FRK: variants seen among roughly 807,000 people sequenced by gnomAD.
FRK encodes tyrosine-protein kinase FRK.
FRK carries 51 observed loss-of-function variants against 56.4 expected under a neutral mutation model. That is an observed-to-expected ratio of 0.90 (90% CI 0.72 to 1.14). The LOEUF is 1.14. FRK is among the 50% of genes most tolerant of loss of function. The pLI is 0.00. For missense variants in FRK, 570 were observed against 601.4 expected (o/e 0.95, Z 0.55); for synonymous variants, 245 against 217.9 (o/e 1.12, Z -1.10).
At chr6:116,013,850 A>G (rs1199428407) in intron 1 of FRK, among the ~76,000 whole-genome samples, 4 of 152,184 alleles carry the variant, frequency 2.6e-5, no homozygotes, top group South Asian at 4.1e-4. Context: ...AATAATGTCA[A>G]GTGCAGCCTG....
the FRK span, among the ~76,000 whole-genome samples, chr6:116,090,987 A>T: frequency 0.023 from 3,503 of 152,310 alleles, 135 homozygotes; most frequent in African/African-American, 0.08. Context: ...AGATTTTTTT[A>T]AAATTGTAAT....
chr6:115,933,513 G>A lies in FRK; in HGVS notation c.*8901C>T, dbSNP rs1379389033. ...CTTTGACAGAACCTTGAACATAAAT[G>A]TCCCCAAGAATCAAACACAGTAAGT... On this transcript the variant is annotated 3_prime_UTR_variant, in exon 8 of 8. Transcript: ENST00000606080. The A allele has an allele frequency of 1.3e-5, 2 of 152,124 alleles. No homozygotes were observed. Among genetic ancestry groups the A allele is most frequent in the Non-Finnish European group, 2.9e-5 (2 of 67,998 alleles). The allele number at this position is 152,124 out of a possible 1,614,324, so 9.4% of individuals were successfully genotyped here.
the FRK span, among the ~76,000 whole-genome samples, chr6:116,091,992 T>C: frequency 6.6e-6 from 1 of 152,190 alleles, no homozygotes; most frequent in Non-Finnish European, 1.5e-5. Flanking sequence ...TCTTGGGTCC[T>C]AATGCCAGTC....
At chr6:115,950,424 A>T (rs1041861788) in intron 5 of FRK, among the ~76,000 whole-genome samples, 1 of 152,254 alleles carries the variant, frequency 6.6e-6, no homozygotes, top group Non-Finnish European at 1.5e-5. Flanking sequence ...TATATGAAAA[A>T]AAGCTCATCA....
At chr6:116,082,158 T>C in the FRK span, among the ~76,000 whole-genome samples, 3 of 152,076 alleles carry the variant, frequency 2.0e-5, no homozygotes, top group Non-Finnish European at 2.9e-5. Context: ...TACCGCATAT[T>C]TGAGGAATAG....
Position 116,011,402 on chromosome 6 carries a change from G to A in FRK, c.345-7404C>T, listed in dbSNP as rs565684630. Reference sequence around the variant, plus strand: ...ACTTCTTTTTATAATGTCTCCTTAAGACCAAGGCAGTCAGCCTTCAAGTAC... The same window carrying A: ...ACTTCTTTTTATAATGTCTCCTTAAAACCAAGGCAGTCAGCCTTCAAGTAC... On this transcript the variant is annotated intron_variant, in intron 1 of 7. Transcript: ENST00000606080. Among the ~76,000 whole-genome samples the A allele has an allele frequency of 5.2e-4, 79 of 151,676 alleles. 1 individual carries two copies. Among genetic ancestry groups the A allele is most frequent in the African/African-American group, 1.6e-3 (68 of 41,344 alleles).
chr6:116,002,740 C>G, intron 2 of FRK: 1 of 455,258 alleles, frequency 2.2e-6, no homozygotes, highest in Middle Eastern at 3.3e-4. Context: ...TCTGGAGTAC[C>G]ACATTGTCTC....
At chr6:116,042,373 T>C (rs1006893411) in intron 1 of FRK, among the ~76,000 whole-genome samples, 1 of 152,190 alleles carries the variant, frequency 6.6e-6, no homozygotes, top group South Asian at 2.1e-4. Context: ...CCCACTAGAC[T>C]AGCAGCAGAT....
chr6:115,956,451 C>A lies in FRK; in HGVS notation c.958+1G>T. 6.6e-7 allele frequency: 1 copy of A among 1,518,576 alleles called. No individual in the cohort carries two copies. The highest frequency in any genetic ancestry group is 1.4e-5 in the South Asian group (1 of 72,342). 94.1% of individuals were successfully genotyped at this position (1,518,576 alleles called of 1,614,324 possible). A position where few individuals can be genotyped will look rare whatever the true frequency, so the allele number is the denominator to read the frequency against. On this transcript the variant is annotated splice_donor_variant, in intron 5 of 7. Transcript: ENST00000606080. LOFTEE classifies it high-confidence loss of function. ...TTCCTTGTATTAAGTCTTTAGCTTA[C>A]TTTGGAGATATTCTTGCAGACTTCC... is the stretch of plus-strand genomic sequence containing the variant.
chr6:116,080,511 T>C, the FRK span, among the ~76,000 whole-genome samples: 26,090 of 152,190 alleles, frequency 0.17, 2,646 homozygotes, highest in African/African-American at 0.28. Flanking sequence ...CTGGCAGATT[T>C]GCCTACGCAA....
chr6:115,979,422 G>A (rs1774113008), intron 2 of FRK, among the ~76,000 whole-genome samples: 1 of 152,008 alleles, frequency 6.6e-6, no homozygotes, highest in Non-Finnish European at 1.5e-5. Context: ...TGTAAAATGT[G>A]TTTGTTTTAC....
chr6:116,086,232 C>T, the FRK span, among the ~76,000 whole-genome samples: 1 of 151,996 alleles, frequency 6.6e-6, no homozygotes, highest in African/African-American at 2.4e-5. Flanking sequence ...TCGCAGGGGA[C>T]AAAAAGTACT....
Position 115,947,542 on chromosome 6 carries a change from T to C in FRK, c.959-3117A>G, listed in dbSNP as rs571837484. On this transcript the variant is annotated intron_variant, in intron 5 of 7. Coordinates refer to ENST00000606080, the MANE Select transcript of FRK (RefSeq NM_002031.3). Reference sequence around the variant, plus strand: ...GGCAATGCAATGTGTGCAAAAACGATGAACATCACTTACAAGCCTGGCTCT... The same window carrying C: ...GGCAATGCAATGTGTGCAAAAACGACGAACATCACTTACAAGCCTGGCTCT... 1.3e-3 allele frequency among the ~76,000 whole-genome samples: 193 copies of C among 152,228 alleles called. 1 individual carries two copies. Among genetic ancestry groups the C allele is most frequent in the African/African-American group, 4.4e-3 (181 of 41,526 alleles).
intron 4 of FRK, among the ~76,000 whole-genome samples, chr6:115,967,173 AAATAGTTGTTCCCTG>A (rs1410491190): frequency 6.6e-6 from 1 of 152,240 alleles, no homozygotes. Context: ...ATACTTTTAA[AAATAGTTGTTCCCTG>A]AATAGTATCA....
chr6:115,956,227 T>C (rs1161116551), intron 5 of FRK, among the ~76,000 whole-genome samples: 1 of 152,186 alleles, frequency 6.6e-6, no homozygotes, highest in Admixed American at 6.5e-5. Context: ...ATATATCTGT[T>C]GTGAATAATT....
chr6:115,956,635 A>G (rs1009915678), intron 4 of FRK, 25 bp from the exon 5 acceptor site: 2 of 1,493,688 alleles, frequency 1.3e-6, no homozygotes, highest in Non-Finnish European at 1.8e-6. Context: ...GGGAGAAATC[A>G]CTTTATGTTA....
chr6:116,053,275 G>C (rs1164622924), intron 1 of FRK, among the ~76,000 whole-genome samples: 1 of 152,108 alleles, frequency 6.6e-6, no homozygotes, highest in Non-Finnish European at 1.5e-5. Flanking sequence ...GCCCATATAG[G>C]TTCTCACTAT....
At chr6:116,036,856 G>A (rs747786254) in intron 1 of FRK, among the ~76,000 whole-genome samples, 24 of 152,132 alleles carry the variant, frequency 1.6e-4, no homozygotes, top group Non-Finnish European at 2.4e-4. Context: ...GAACTGTGCA[G>A]AAACATATGA....
At chr6:116,067,636 A>G in the FRK span, among the ~76,000 whole-genome samples, 1 of 152,234 alleles carries the variant, frequency 6.6e-6, no homozygotes, top group East Asian at 1.9e-4. Context: ...CAAATGCAGT[A>G]GATACAAAGA....
Sources: gnomAD v4.1 joint callset for allele counts (sites outside exome capture counted in the v4.1 genomes callset) on GRCh38, gnomAD v4.1.1 for gene constraint, MANE v1.5 for transcripts, NCBI Gene and HGNC (gene_info 2026-07-23, HGNC 2026-07-21) for gene names.